The following SASS6 variants were observed in gnomAD, a reference collection of about 807,000 sequenced individuals.
SASS6 encodes the protein SAS-6 centriolar assembly protein.
A neutral mutation model predicts 94.9 loss-of-function variants in SASS6; 59 were observed. The observed-to-expected ratio is 0.62, with a 90% CI of 0.50 to 0.77. The LOEUF (loss-of-function observed/expected upper bound fraction) is 0.77, where lower values mean the gene tolerates loss of function less well. SASS6 is among the 30% of genes least tolerant of loss of function. The pLI is 0.00. For missense variants in SASS6, 698 were observed against 734.1 expected (o/e 0.95, Z 0.57); for synonymous variants, 264 against 270.0 (o/e 0.98, Z 0.22).
intron 14 of SASS6, among the ~76,000 whole-genome samples, chr1:100,090,990 T>C (rs35860268): frequency 0.33 from 50,334 of 151,934 alleles, 10,299 homozygotes; most frequent in East Asian, 0.59. Context: ...CCAAACAGCA[T>C]GACATGACAA....
At chr1:100,097,390 C>A (rs565737180) in intron 14 of SASS6, among the ~76,000 whole-genome samples, 2 of 152,250 alleles carry the variant, frequency 1.3e-5, no homozygotes, top group Admixed American at 6.5e-5. Flanking sequence ...AAACTTAAAA[C>A]AACTCAAATG....
At chr1:100,123,019 T>G (rs1425053581) in intron 3 of SASS6, among the ~76,000 whole-genome samples, 191 bp downstream of exon 3, 1 of 152,232 alleles carries the variant, frequency 6.6e-6, no homozygotes, top group African/African-American at 2.4e-5. Context: ...ACAGGTGTTT[T>G]AAGCAGAATT....
chr1:100,107,123 A>C (rs1652968167), intron 11 of SASS6, 130 bp from the exon 12 acceptor site: 1 of 608,352 alleles, frequency 1.6e-6, no homozygotes, highest in Admixed American at 3.2e-5. Flanking sequence ...GAATAAAGGA[A>C]TTAGCTCAAT....
In SASS6 at chr1:100,125,974, A is replaced by C. The variant is rs532389284; in HGVS notation, c.66-32T>G. The C allele has an allele frequency of 1.3e-5, 15 of 1,165,838 alleles. No individual in the cohort carries two copies. In the African/African-American group the frequency reaches 1.7e-4, roughly 13 times the overall value. The allele number at this position is 1,165,838 out of a possible 1,614,324, so 72.2% of individuals were successfully genotyped here. A position where few individuals can be genotyped will look rare whatever the true frequency, so the allele number is the denominator to read the frequency against. ...GAAAAGACATACCCAACCATCAGAAACATTCACACGAAATGAGTTATCACT... is the reference window on the plus strand; with the variant it reads ...GAAAAGACATACCCAACCATCAGAACCATTCACACGAAATGAGTTATCACT... On this transcript the variant is annotated intron_variant, in intron 1 of 16. Transcript: ENST00000287482.
At chr1:100,123,967 A>G (rs1392284075) in intron 2 of SASS6, among the ~76,000 whole-genome samples, 1 of 152,252 alleles carries the variant, frequency 6.6e-6, no homozygotes, top group Non-Finnish European at 1.5e-5. Flanking sequence ...AAAATTATGT[A>G]CCAGAGAACA....
chr1:100,129,666 A>AT (rs1654860914), intron 1 of SASS6, among the ~76,000 whole-genome samples: 5 of 152,232 alleles, frequency 3.3e-5, no homozygotes, highest in Admixed American at 2.0e-4. Context: ...GAAAGTTATG[A>AT]AAGAAAAAAG....
At chr1:100,122,332 G>T (rs1654251835) in intron 4 of SASS6, 48 bp downstream of exon 4, 3 of 812,326 alleles carry the variant, frequency 3.7e-6, no homozygotes, top group East Asian at 5.3e-5. Context: ...TCAAAGAAGA[G>T]TCTGTCTTGA....
At chr1:100,109,300 AAATAGAGTTTGAAGTCTTGT>A (rs923268873) in intron 8 of SASS6, among the ~76,000 whole-genome samples, 5 of 152,118 alleles carry the variant, frequency 3.3e-5, no homozygotes, top group Admixed American at 6.5e-5. Context: ...GAGACTGGTA[AAATAGAGTTTGAAGTCTTGT>A]GAGCTAGAAT....
At chr1:100,088,740 TAGG>T (rs1651477105) in intron 14 of SASS6, among the ~76,000 whole-genome samples, 1 of 150,924 alleles carries the variant, frequency 6.6e-6, no homozygotes. Context: ...ATATGAGAGG[TAGG>T]AGGATCACTT....
chr1:100,099,442 T>C (rs914056487), intron 14 of SASS6: 3 of 153,198 alleles, frequency 2.0e-5, no homozygotes, highest in Admixed American at 6.5e-5. Context: ...CAGGTCCACA[T>C]TGGCCAACTG....
Position 100,106,898 on chromosome 1 carries a change from CG to C in SASS6, c.1408+13del, listed in dbSNP as rs1392716889. The stretch of plus-strand genomic sequence containing the variant: ...ACTACAAACCTCATTTACATTAACA[CG>C]TAACATACTTACACTTTTCATTATT... On this transcript the variant is annotated intron_variant, in intron 12 of 16. Coordinates refer to ENST00000287482, the MANE Select transcript of SASS6 (RefSeq NM_194292.3). The C allele has an allele frequency of 9.5e-7, 1 of 1,057,420 alleles. No homozygotes were observed. The highest frequency in any genetic ancestry group is 1.5e-6 in the Non-Finnish European group (1 of 685,154). 65.5% of individuals were successfully genotyped at this position (1,057,420 alleles called of 1,614,324 possible).
At chr1:100,111,595 T>C (rs971989735) in intron 7 of SASS6, among the ~76,000 whole-genome samples, 1 of 152,082 alleles carries the variant, frequency 6.6e-6, no homozygotes, top group Non-Finnish European at 1.5e-5. Context: ...TAAAGCTTGA[T>C]GCAAGTTCCA....
chr1:100,130,520 A>C (rs1016952235), intron 1 of SASS6, among the ~76,000 whole-genome samples: 3 of 152,006 alleles, frequency 2.0e-5, no homozygotes, highest in Non-Finnish European at 4.4e-5. Context: ...GTCTCTTTTA[A>C]ATTAAATTAA....
chr1:100,122,535 T>G, intron 3 of SASS6, 51 bp from the exon 4 acceptor site: 1 of 721,096 alleles, frequency 1.4e-6, no homozygotes, highest in Non-Finnish European at 2.3e-6. Context: ...ATTAACTTTG[T>G]TTTGTTTTGG....
chr1:100,123,704 G>T (rs558595351), intron 2 of SASS6, among the ~76,000 whole-genome samples: 1 of 152,256 alleles, frequency 6.6e-6, no homozygotes, highest in Non-Finnish European at 1.5e-5. Context: ...AAATATATCA[G>T]CAGAACTGAC....
rs1487279102 is a variant in SASS6 at position 100,103,084 on chromosome 1, C to T, written c.1546-1G>A. 6.3e-7 allele frequency: 1 copy of T among 1,575,482 alleles called. No individual in the cohort carries two copies. Among genetic ancestry groups the T allele is most frequent in the East Asian group, 2.2e-5 (1 of 44,598 alleles). On this transcript the variant is annotated splice_acceptor_variant, in intron 13 of 16. Transcript: ENST00000287482. LOFTEE classifies it high-confidence loss of function. ...TTGGGTAAGTCAGTCTACCATCAAC[C>T]TAAAAATAAAAACATAAAGATGATT...
At chr1:100,102,301 T>C (rs962761782) in intron 14 of SASS6, among the ~76,000 whole-genome samples, 2 of 152,084 alleles carry the variant, frequency 1.3e-5, no homozygotes, top group Admixed American at 6.6e-5. Flanking sequence ...CTCCAAATCA[T>C]AGCTCAGACT....
intron 14 of SASS6, among the ~76,000 whole-genome samples, chr1:100,097,153 T>G (rs1557881643): frequency 6.6e-6 from 1 of 152,174 alleles, no homozygotes; most frequent in African/African-American, 2.4e-5. Flanking sequence ...CTTCTATGCA[T>G]GTATTAGAAT....
At chr1:100,128,068 G>C (rs527416254) in intron 1 of SASS6, among the ~76,000 whole-genome samples, 1 of 151,120 alleles carries the variant, frequency 6.6e-6, no homozygotes, top group Non-Finnish European at 1.5e-5. Context: ...ACAGAGTTTC[G>C]CTCTGTCACC....
Sources: gnomAD v4.1 joint callset for allele counts (sites outside exome capture counted in the v4.1 genomes callset) on GRCh38, gnomAD v4.1.1 for gene constraint, MANE v1.5 for transcripts, NCBI Gene and HGNC (gene_info 2026-07-23, HGNC 2026-07-21) for gene names.